Variants in DLG2 observed in about 807,000 individuals in gnomAD.
DLG2 encodes discs large MAGUK scaffold protein 2.
Under a neutral mutation model 132.5 loss-of-function variants are expected in DLG2, and 45 were observed. The observed-to-expected ratio is 0.34, with a 90% CI of 0.27 to 0.44. The LOEUF (loss-of-function observed/expected upper bound fraction) is 0.44. Among genes scored for constraint, DLG2 ranks in the 20% least tolerant of loss-of-function variants. The pLI is 1.00. For missense variants in DLG2, 1,045 were observed against 1,196.9 expected (o/e 0.87, Z 1.87); for synonymous variants, 424 against 419.6 (o/e 1.01, Z -0.13).
chr11:84,562,453 A>G (rs1416553472), intron 6 of DLG2, among the ~76,000 whole-genome samples: 4 of 152,174 alleles, frequency 2.6e-5, no homozygotes, highest in African/African-American at 7.2e-5. Context: ...CTCATCTGCA[A>G]GTGCTCTCTC....
chr11:84,679,813 A>G (rs1172649015), intron 6 of DLG2, among the ~76,000 whole-genome samples: 2 of 152,160 alleles, frequency 1.3e-5, no homozygotes, highest in African/African-American at 2.4e-5. Context: ...ATTGGAATTC[A>G]GGCAGTCTGG....
At chr11:85,096,028 C>T (rs1250448914) in intron 6 of DLG2, among the ~76,000 whole-genome samples, 1 of 152,174 alleles carries the variant, frequency 6.6e-6, no homozygotes, top group Non-Finnish European at 1.5e-5. Flanking sequence ...CACCAATCAG[C>T]ACTCTGTGTC....
chr11:84,344,679 C>G (rs1055574624), intron 7 of DLG2, among the ~76,000 whole-genome samples: 6 of 152,128 alleles, frequency 3.9e-5, no homozygotes, highest in African/African-American at 1.4e-4. Context: ...CTTATCTGTC[C>G]GAAGTCCTCC....
At chr11:84,161,793 T>G (rs560577270) in intron 9 of DLG2, among the ~76,000 whole-genome samples, 74 of 152,278 alleles carry the variant, frequency 4.9e-4, no homozygotes, top group South Asian at 1.0e-3. Context: ...TGTACTGCAC[T>G]CCATAAATCA....
At chr11:84,628,650 T>C (rs1036572996) in intron 6 of DLG2, among the ~76,000 whole-genome samples, 3 of 152,220 alleles carry the variant, frequency 2.0e-5, no homozygotes, top group African/African-American at 7.2e-5. Flanking sequence ...TCAGAAGCTT[T>C]CTTGAAACTT....
At chr11:83,666,193 C>G (rs2075510009) in intron 18 of DLG2, among the ~76,000 whole-genome samples, 1 of 152,152 alleles carries the variant, frequency 6.6e-6, no homozygotes, top group African/African-American at 2.4e-5. Flanking sequence ...TCTCTTATCT[C>G]TTTAAAGGCT....
At chr11:85,289,267 T>C (rs182216542) in intron 3 of DLG2, among the ~76,000 whole-genome samples, 8 of 152,216 alleles carry the variant, frequency 5.3e-5, no homozygotes, top group African/African-American at 1.9e-4. Flanking sequence ...ATCTCTCTTT[T>C]GCACCCTCTT....
chr11:85,290,032 T>C (rs2078797507), intron 3 of DLG2, among the ~76,000 whole-genome samples: 1 of 152,164 alleles, frequency 6.6e-6, no homozygotes, highest in Non-Finnish European at 1.5e-5. Flanking sequence ...ATATATTCTC[T>C]AGTATCTAGC....
At chr11:83,739,088 G>C (rs987834248) in intron 18 of DLG2, among the ~76,000 whole-genome samples, 1 of 152,074 alleles carries the variant, frequency 6.6e-6, no homozygotes, top group Non-Finnish European at 1.5e-5. Context: ...TAGGCATCTT[G>C]AGGAAAGAGA....
intron 11 of DLG2, among the ~76,000 whole-genome samples, chr11:83,997,966 T>C (rs1212114736): frequency 6.6e-6 from 1 of 151,010 alleles, no homozygotes; most frequent in Non-Finnish European, 1.5e-5. Flanking sequence ...ACCCTATCTC[T>C]ACTAAAAATA....
intron 11 of DLG2, among the ~76,000 whole-genome samples, chr11:84,030,778 A>C (rs557784525): frequency 6.6e-6 from 1 of 152,240 alleles, no homozygotes; most frequent in Admixed American, 6.5e-5. Context: ...TGGGAGCTGC[A>C]TTGGAGAGGA....
At chr11:84,501,591 C>T (rs573557924) in intron 7 of DLG2, among the ~76,000 whole-genome samples, 1 of 152,068 alleles carries the variant, frequency 6.6e-6, no homozygotes, top group East Asian at 1.9e-4. Flanking sequence ...AAATTTATTA[C>T]CCATTATGGA....
chr11:83,621,845 G>A (rs1382359080), intron 19 of DLG2, among the ~76,000 whole-genome samples: 1 of 152,022 alleles, frequency 6.6e-6, no homozygotes. Context: ...ATGGGTATGA[G>A]ACCTGTGTTC....
At chr11:83,953,735 C>G (rs776046430) in intron 14 of DLG2, among the ~76,000 whole-genome samples, 2 of 152,114 alleles carry the variant, frequency 1.3e-5, no homozygotes, top group Non-Finnish European at 2.9e-5. Flanking sequence ...GAAGAACAGA[C>G]CATGTCTATT....
intron 18 of DLG2, among the ~76,000 whole-genome samples, chr11:83,677,210 A>G (rs1415849957): frequency 6.6e-6 from 1 of 152,142 alleles, no homozygotes; most frequent in Non-Finnish European, 1.5e-5. Flanking sequence ...CTAAAAATAA[A>G]ATGGAGATAC....
At chr11:83,898,849 C>T (rs193193923) in intron 15 of DLG2, among the ~76,000 whole-genome samples, 7 of 152,242 alleles carry the variant, frequency 4.6e-5, no homozygotes, top group Non-Finnish European at 7.4e-5. Context: ...CTGCACTTAT[C>T]TACTTATTTT....
chr11:84,470,227 A>G (rs1233828541), intron 7 of DLG2, among the ~76,000 whole-genome samples: 1 of 151,754 alleles, frequency 6.6e-6, no homozygotes, highest in African/African-American at 2.4e-5. Flanking sequence ...AGATAAGAGG[A>G]AAATGGAAAT....
At chr11:85,066,901 A>G (rs552418141) in intron 6 of DLG2, among the ~76,000 whole-genome samples, 1 of 151,874 alleles carries the variant, frequency 6.6e-6, no homozygotes, top group East Asian at 1.9e-4. Context: ...TACCACTTCT[A>G]TTTAACACAG....
rs774769325 is a variant in DLG2, at chr11:85,111,718, G to A, written c.300C>T (p.Cys100=). 27 of 1,559,516 alleles carry A rather than the reference G, an allele frequency of 1.7e-5. No individual in the cohort carries two copies. Among genetic ancestry groups the A allele is most frequent in the East Asian group, 2.4e-5 (1 of 41,710 alleles). Residue 100 remains cysteine (C), a synonymous_variant, in exon 6 of 28, where the codon TGC becomes TGT. Coordinates refer to ENST00000376104, the MANE Select transcript of DLG2 (RefSeq NM_001142699.3). ...DETTTQNQGR[C]PAQNCSVEAP... ...CTTCCACTGAACAATTCTGGGCTGG[G>A]CATCTGCCTTGGTTTTGCTGCAAAT...
Sources: allele counts gnomAD v4.1 joint callset (sites outside exome capture counted in the v4.1 genomes callset), GRCh38; gene constraint gnomAD v4.1.1; transcripts MANE v1.5; gene names NCBI Gene and HGNC (gene_info 2026-07-23, HGNC 2026-07-21).